Variants in CEP295 observed in about 807,000 individuals in gnomAD.
CEP295 encodes centrosomal protein of 295 kDa.
CEP295 carries 190 observed loss-of-function variants against 291.6 expected under a neutral mutation model. The observed-to-expected ratio is 0.65, with a 90% CI of 0.58 to 0.73. CEP295 has a LOEUF of 0.73. CEP295 is among the 30% of genes least tolerant of loss of function. The probability of loss-of-function intolerance (pLI) is 0.00; values close to 1 mark genes in which losing one functional copy is unlikely to be tolerated. For synonymous variants in CEP295, 993 were observed against 1,038.8 expected, an observed-to-expected ratio of 0.96 and a Z score of 0.85; for missense variants, 2,863 against 2,949.4, an observed-to-expected ratio of 0.97 and a Z score of 0.68.
intron 15 of CEP295, among the ~76,000 whole-genome samples, chr11:93,702,063 A>AT (rs1297402505): frequency 6.6e-6 from 1 of 151,760 alleles, no homozygotes; most frequent in East Asian, 1.9e-4. Flanking sequence ...GGTTCAAGTG[A>AT]TTCTCCTGCC....
chr11:93,683,960 TA>T lies in CEP295; in HGVS notation c.950-2del. On this transcript the variant is annotated splice_polypyrimidine_tract_variant and splice_region_variant and intron_variant, in intron 8 of 29. Transcript: ENST00000325212. The stretch of plus-strand genomic sequence containing the variant: ...GAAACGTGTCTCTATTTTTCTTTTT[TA>T]AGAGGTGAAAGGGAATCTGATTCTG... The T allele has an allele frequency of 6.5e-7, 1 of 1,537,820 alleles. No individual in the cohort carries two copies. Among genetic ancestry groups the T allele is most frequent in the Non-Finnish European group, 8.7e-7 (1 of 1,143,862 alleles).
At chr11:93,683,034 C>T (rs748779741) in intron 7 of CEP295, among the ~76,000 whole-genome samples, 2 of 152,152 alleles carry the variant, frequency 1.3e-5, no homozygotes, top group Non-Finnish European at 2.9e-5. Context: ...ACTCTTTAAG[C>T]TTAAAGAAAT....
rs1950652757 is a variant in CEP295 at position 93,675,675 on chromosome 11, C to T, written c.624+9C>T. ...AGACAGACACAAAACGGGTGATTGA[C>T]TTATTGTTTCTTCATGCCCTCGCTT... On this transcript the variant is annotated intron_variant, in intron 6 of 29. Transcript: ENST00000325212. 3.1e-6 allele frequency: 4 copies of T among 1,274,418 alleles called. No individual in the cohort carries two copies. The highest frequency in any genetic ancestry group is 4.3e-6 in the Non-Finnish European group (4 of 922,600). 78.9% of individuals were successfully genotyped at this position (1,274,418 alleles called of 1,614,324 possible). A position where few individuals can be genotyped will look rare whatever the true frequency, so the allele number is the denominator to read the frequency against.
intron 4 of CEP295, 72 bp downstream of exon 4, chr11:93,669,004 T>G (rs1181038223): frequency 1.4e-6 from 1 of 733,524 alleles, no homozygotes; most frequent in Non-Finnish European, 2.2e-6. Context: ...CATAGGATAC[T>G]GTGTAAGCAA....
At chr11:93,702,945 G>A in intron 17 of CEP295, 26 bp downstream of exon 17, 3 of 1,514,968 alleles carry the variant, frequency 2.0e-6, no homozygotes, top group South Asian at 2.5e-5. Flanking sequence ...GATAAAACAA[G>A]ATTTTTAAAT....
Position 93,730,348 on chromosome 11 carries a change from T to C in CEP295, c.*79T>C, listed in dbSNP as rs1938286248. On this transcript the variant is annotated 3_prime_UTR_variant, in exon 30 of 30. Coordinates refer to ENST00000325212, the MANE Select transcript of CEP295 (RefSeq NM_033395.2). Reference sequence around the variant, plus strand: ...AAATTATTTAAAGTCAATAAATTGTTATTCGAGGAATTCCATGTTGTGATT... The same window carrying C: ...AAATTATTTAAAGTCAATAAATTGTCATTCGAGGAATTCCATGTTGTGATT... 1 of 1,073,716 alleles carries C rather than the reference T, an allele frequency of 9.3e-7. No homozygotes were observed. Among genetic ancestry groups the C allele is most frequent in the Non-Finnish European group, 1.4e-6 (1 of 706,670 alleles). The allele number at this position is 1,073,716 out of a possible 1,614,324, so 66.5% of individuals were successfully genotyped here. A position where few individuals can be genotyped will look rare whatever the true frequency, so the allele number is the denominator to read the frequency against.
At chr11:93,700,426 C>CTTTTTTTTTTTT (rs11410177) in intron 15 of CEP295, among the ~76,000 whole-genome samples, 2 of 129,382 alleles carry the variant, frequency 1.5e-5, no homozygotes, top group Non-Finnish European at 1.7e-5. Context: ...TTTGTTTTTG[C>CTTTTTTTTTTTT]TTTTTTTTTT....
chr11:93,692,999 C>T (rs1198701559), intron 12 of CEP295, among the ~76,000 whole-genome samples: 9 of 144,656 alleles, frequency 6.2e-5, no homozygotes, highest in South Asian at 2.2e-4. Flanking sequence ...AACAAAAGGC[C>T]GGGCCCGGTG....
chr11:93,678,638 T>G (rs1031940928), intron 6 of CEP295, among the ~76,000 whole-genome samples: 1 of 152,134 alleles, frequency 6.6e-6, no homozygotes, highest in African/African-American at 2.4e-5. Context: ...ATAATAAAAG[T>G]AAATCCAGGC....
In CEP295 at chr11:93,700,023, A is replaced by G. The variant is rs1363669792; in HGVS notation, c.5111A>G (p.Gln1704Arg). 5.8e-6 allele frequency: 9 copies of G among 1,551,746 alleles called. No homozygotes were observed. In the East Asian group the frequency reaches 2.2e-4, roughly 38 times the overall value. The change falls in exon 15 of 30, where the codon CAG (glutamine) becomes CGG (arginine). Residue 1704 changes from glutamine to arginine, a missense_variant. Physicochemically the swap from Gln to Arg is conservative, Grantham distance 43. Coordinates refer to ENST00000325212, the MANE Select transcript of CEP295 (RefSeq NM_033395.2). ...LLSFSQSVLTQQDNLGLQKQL... is the reference protein window; with the variant it reads ...LLSFSQSVLTRQDNLGLQKQL... ...AGTTTTTCACAGTCTGTCTTAACTC[A>G]GCAAGATAACTTGGGACTTCAGAAA...
At chr11:93,730,171 G>A (rs1938248058) in intron 29 of CEP295, 23 bp downstream of exon 29, 2 of 1,550,852 alleles carry the variant, frequency 1.3e-6, no homozygotes, top group Non-Finnish European at 1.7e-6. Context: ...GAGGGAGAAG[G>A]ACTTAATTTT....
intron 21 of CEP295, 88 bp downstream of exon 21, chr11:93,723,377 T>A: frequency 1.0e-6 from 1 of 969,678 alleles, no homozygotes; most frequent in East Asian, 2.6e-5. Context: ...AGTGATTGTT[T>A]GAGCTTCATG....
At chr11:93,677,098 C>G (rs1950731861) in intron 6 of CEP295, among the ~76,000 whole-genome samples, 1 of 152,034 alleles carries the variant, frequency 6.6e-6, no homozygotes, top group Admixed American at 6.6e-5. Flanking sequence ...TAGGAAAAGT[C>G]TGTCCTTAAA....
At chr11:93,707,947 A>G (rs1952629055) in intron 18 of CEP295, among the ~76,000 whole-genome samples, 1 of 152,182 alleles carries the variant, frequency 6.6e-6, no homozygotes, top group South Asian at 2.1e-4. Flanking sequence ...ATCTCTTTAA[A>G]TTGTGGATTA....
chr11:93,709,629 C>T (rs1952758812), intron 18 of CEP295, among the ~76,000 whole-genome samples: 1 of 152,002 alleles, frequency 6.6e-6, no homozygotes, highest in Admixed American at 6.6e-5. Flanking sequence ...TATTCTGGGT[C>T]TTTTGTGGTT....
At chr11:93,712,208 G>C (rs1370061586) in intron 18 of CEP295, among the ~76,000 whole-genome samples, 1 of 150,372 alleles carries the variant, frequency 6.7e-6, no homozygotes, top group Non-Finnish European at 1.5e-5. Context: ...ATAATGACCT[G>C]CTTTTTTTTT....
In CEP295 at chr11:93,683,583, C is replaced by A. The variant is rs990702296; in HGVS notation, c.790C>A (p.Leu264Ile). ...GAATCAGGAGAAACTAATGAAAGAA[C>A]TCAAACAGCTACAGCAAGAGGACCT... ...AQNQEKLMKELKQLQQEDLAR... is the reference protein window; with the variant it reads ...AQNQEKLMKEIKQLQQEDLAR... The change falls in exon 8 of 30, where the codon CTC (leucine) becomes ATC (isoleucine). Residue 264 changes from leucine to isoleucine, a missense_variant. This residue lies in a region of CEP295 where 554 missense variants were observed against 576.0 expected (regional missense o/e 0.96). Coordinates refer to ENST00000325212, the MANE Select transcript of CEP295 (RefSeq NM_033395.2). 7.9e-6 allele frequency: 12 copies of A among 1,514,862 alleles called. No individual in the cohort carries two copies. In the Admixed American group the frequency reaches 2.9e-4, roughly 36 times the overall value. The allele number at this position is 1,514,862 out of a possible 1,614,324, so 93.8% of individuals were successfully genotyped here.
At chr11:93,702,323 T>C (rs1565191810) in intron 15 of CEP295, 137 bp from the exon 16 acceptor site, 1 of 535,890 alleles carries the variant, frequency 1.9e-6, no homozygotes, top group East Asian at 3.3e-5. Context: ...TTTTTATATA[T>C]AGATAAAATT....
At position 93,697,502 on chromosome 11, in the gene CEP295, A is replaced by G; in HGVS notation, c.2590A>G (p.Thr864Ala). ...CCTACAGAAGAAAGTTCTTCAGGCAACTCAGGAAGCTCAGGAACAGTTGCT... is the reference window on the plus strand; with the variant it reads ...CCTACAGAAGAAAGTTCTTCAGGCAGCTCAGGAAGCTCAGGAACAGTTGCT... ...LDLQKKVLQA[T>A]QEAQEQLLLC... Residue 864 changes from threonine to alanine, a missense_variant, in exon 15 of 30, where the codon ACT becomes GCT. Around this residue, in one of 3 missense-constraint regions of CEP295, gnomAD observed 2,295 missense variants for 2,335.7 expected, o/e 0.98. Transcript: ENST00000325212. The G allele has an allele frequency of 1.3e-6, 2 of 1,551,910 alleles. No homozygotes were observed. Among genetic ancestry groups the G allele is most frequent in the Non-Finnish European group, 1.7e-6 (2 of 1,147,012 alleles).
Sources: gnomAD v4.1 joint callset for allele counts (sites outside exome capture counted in the v4.1 genomes callset) on GRCh38, gnomAD v4.1.1 for gene constraint, gnomAD v4.1.1 regional missense constraint, MANE v1.5 for transcripts, NCBI Gene and HGNC (gene_info 2026-07-23, HGNC 2026-07-21) for gene names.